The following ASAP1 variants were observed in gnomAD, a reference collection of about 807,000 sequenced individuals.
ASAP1 encodes ArfGAP with SH3 domain, ankyrin repeat and PH domain 1.
Under a neutral mutation model 145.2 loss-of-function variants are expected in ASAP1, and 43 were observed. The ratio of observed to expected loss-of-function variants is 0.30; its 90% CI spans 0.23 to 0.38. The LOEUF (loss-of-function observed/expected upper bound fraction) is 0.38, where lower values mean the gene tolerates loss of function less well. Among genes scored for constraint, ASAP1 ranks in the 10% least tolerant of loss-of-function variants. ASAP1 has a pLI of 1.00. For synonymous variants in ASAP1, 546 were observed against 515.5 expected, an observed-to-expected ratio of 1.06 and a Z score of -0.80; for missense variants, 1,018 against 1,355.3, an observed-to-expected ratio of 0.75 and a Z score of 3.91.
At chr8:130,265,006 T>G (rs1417008) in intron 3 of ASAP1, among the ~76,000 whole-genome samples, 14,495 of 151,960 alleles carry the variant, frequency 0.095, 881 homozygotes, top group South Asian at 0.27. Flanking sequence ...AAATTACTGG[T>G]GTACAAGGAA....
rs757876135 is a variant in ASAP1 at position 130,092,027 on chromosome 8, C to T, written c.2518G>A (p.Asp840Asn). The T allele has an allele frequency of 6.4e-6, 10 of 1,574,150 alleles. No individual in the cohort carries two copies. The East Asian group carries it at 1.2e-4, about 19-fold the overall frequency. The change falls in exon 25 of 30, where the codon GAC becomes AAC. Residue 840 changes from aspartate to asparagine, a missense_variant. Physicochemically the swap from Asp to Asn is conservative, Grantham distance 23. Transcript: ENST00000518721. ...CCATGAGGTAGTGGGCTGGGAGGGT[C>T]GGATAGGGTTCTCTTGTGTCCGGGT... The part of the protein sequence containing the change: ...PPPGHKRTLS[D>N]PPSPLPHGPP...
intron 3 of ASAP1, among the ~76,000 whole-genome samples, chr8:130,354,479 T>C (rs1367737376): frequency 6.6e-6 from 1 of 152,204 alleles, no homozygotes; most frequent in African/African-American, 2.4e-5. Context: ...TTTATCATGT[T>C]GGACTCTCTC....
chr8:130,116,148 A>G (rs1235581766), intron 22 of ASAP1, among the ~76,000 whole-genome samples: 1 of 152,242 alleles, frequency 6.6e-6, no homozygotes. Flanking sequence ...AAGAATAAAA[A>G]GGCCCAACTG....
At chr8:130,424,233 T>C (rs1829828037) in intron 1 of ASAP1, among the ~76,000 whole-genome samples, 2 of 152,230 alleles carry the variant, frequency 1.3e-5, no homozygotes, top group South Asian at 2.1e-4. Context: ...GCCCATTCTC[T>C]GGTCTATACA....
chr8:130,423,800 T>C (rs1829812151), intron 1 of ASAP1, among the ~76,000 whole-genome samples: 1 of 152,228 alleles, frequency 6.6e-6, no homozygotes, highest in East Asian at 1.9e-4. Context: ...TCTTTTCTTG[T>C]TCTTTCTGAA....
chr8:130,435,028 A>G (rs924741580), intron 1 of ASAP1, among the ~76,000 whole-genome samples: 1 of 152,154 alleles, frequency 6.6e-6, no homozygotes, highest in African/African-American at 2.4e-5. Context: ...TGGCTGCTGG[A>G]AGGCACGCTG....
At chr8:130,105,811 G>A (rs890683078) in intron 24 of ASAP1, among the ~76,000 whole-genome samples, 7 of 152,152 alleles carry the variant, frequency 4.6e-5, no homozygotes, top group Non-Finnish European at 7.4e-5. Flanking sequence ...GCTGGTGCCC[G>A]GGCATGATAT....
At chr8:130,200,910 G>A (rs1815827886) in intron 5 of ASAP1, among the ~76,000 whole-genome samples, 1 of 152,206 alleles carries the variant, frequency 6.6e-6, no homozygotes, top group African/African-American at 2.4e-5. Flanking sequence ...AATCTGGAGA[G>A]AAAAACAGTT....
chr8:130,098,015 T>G (rs74918507), intron 24 of ASAP1, among the ~76,000 whole-genome samples: 1 of 152,338 alleles, frequency 6.6e-6, no homozygotes, highest in East Asian at 1.9e-4. Context: ...CTTCCTCCTC[T>G]TCTTGCATTT....
In ASAP1 at chr8:130,298,228, A is replaced by ACAG. The variant is rs527816190; in HGVS notation, c.186+59788_186+59789insCTG. ...CCAAGGGAAGCATGAGAAACCTGTA[A>ACAG]TGGTGTCCATATCCACAAACATGCT... On this transcript the variant is annotated intron_variant, in intron 3 of 29. Transcript: ENST00000518721. Among the ~76,000 whole-genome samples, 398 of 152,334 alleles carry ACAG rather than the reference A, an allele frequency of 2.6e-3. 2 individuals are homozygous for ACAG. Among genetic ancestry groups the ACAG allele is most frequent in the African/African-American group, 7.9e-3 (328 of 41,574 alleles).
intron 7 of ASAP1, among the ~76,000 whole-genome samples, chr8:130,183,980 T>C (rs2136194762): frequency 6.6e-6 from 1 of 152,300 alleles, no homozygotes; most frequent in South Asian, 2.1e-4. Flanking sequence ...ATCATGCTAA[T>C]AAAATACATA....
intron 3 of ASAP1, among the ~76,000 whole-genome samples, chr8:130,300,567 T>C (rs1416590429): frequency 6.6e-6 from 1 of 152,170 alleles, no homozygotes; most frequent in Non-Finnish European, 1.5e-5. Flanking sequence ...CCTAGATTTT[T>C]AAGAGTTTCT....
intron 12 of ASAP1, among the ~76,000 whole-genome samples, chr8:130,153,988 G>A (rs1232340586): frequency 6.6e-6 from 1 of 152,134 alleles, no homozygotes; most frequent in Admixed American, 6.5e-5. Context: ...CAGCCCAGGA[G>A]TTCAAGACCA....
In ASAP1 at chr8:130,400,803, A is replaced by AAG. The variant is rs1293055035; in HGVS notation, c.59+1081_59+1082insCT. On this transcript the variant is annotated intron_variant, in intron 2 of 29. Transcript: ENST00000518721. ...CAGACTCCGTCTCAAAAAAAAAAAA[A>AAG]AAAGGCAAGGGTCCTGCAGTAAGGG... is the stretch of plus-strand genomic sequence containing the variant. 2.0e-5 allele frequency among the ~76,000 whole-genome samples: 3 copies of AAG among 152,182 alleles called. No individual in the cohort carries two copies. In the East Asian group the frequency reaches 5.8e-4, roughly 29 times the overall value.
At chr8:130,321,932 A>T (rs1824032371) in intron 3 of ASAP1, among the ~76,000 whole-genome samples, 1 of 152,258 alleles carries the variant, frequency 6.6e-6, no homozygotes, top group African/African-American at 2.4e-5. Context: ...TATACCTGGC[A>T]TATAACAGAT....
intron 29 of ASAP1, among the ~76,000 whole-genome samples, chr8:130,057,652 G>A (rs2097407132): frequency 6.6e-6 from 1 of 152,194 alleles, no homozygotes; most frequent in Non-Finnish European, 1.5e-5. Flanking sequence ...GTTTCACCAT[G>A]CTGGCCAGGC....
At chr8:130,276,726 A>ACTCTCTCTCTCT (rs1486127973) in intron 3 of ASAP1, among the ~76,000 whole-genome samples, 26 of 91,828 alleles carry the variant, frequency 2.8e-4, no homozygotes, top group East Asian at 5.2e-4. Context: ...ACACACACAC[A>ACTCTCTCTCTCT]CACTCTCTCT....
At chr8:130,190,620 C>T (rs1339401987) in intron 5 of ASAP1, among the ~76,000 whole-genome samples, 1 of 152,104 alleles carries the variant, frequency 6.6e-6, no homozygotes, top group Non-Finnish European at 1.5e-5. Flanking sequence ...TAGGTTCAAG[C>T]GATTCTCCTG....
rs189564863 is a variant in ASAP1 at position 130,107,480 on chromosome 8, C to T, written c.2401+4614G>A. Among the ~76,000 whole-genome samples the T allele has an allele frequency of 5.3e-3, 806 of 150,948 alleles. 5 individuals are homozygous for T. The highest frequency in any genetic ancestry group is 0.045 in the Middle Eastern group (13 of 290). On this transcript the variant is annotated intron_variant, in intron 24 of 29. Transcript: ENST00000518721. ...GATTACAGGTGTGAGCCACCATGCC[C>T]GGCCCATAGTCTCTCTTTTTTTTTT...
Sources: gnomAD v4.1 joint callset for allele counts (sites outside exome capture counted in the v4.1 genomes callset) on GRCh38, gnomAD v4.1.1 for gene constraint, MANE v1.5 for transcripts, NCBI Gene and HGNC (gene_info 2026-07-23, HGNC 2026-07-21) for gene names.